MOB3B: variants seen among roughly 807,000 people sequenced by gnomAD.
The protein encoded by MOB3B is MOB kinase activator-like 2B.
MOB3B carries 7 observed loss-of-function variants against 18.7 expected under a neutral mutation model. The observed-to-expected ratio is 0.37, with a 90% CI of 0.21 to 0.70. The LOEUF (loss-of-function observed/expected upper bound fraction) is 0.70, where lower values mean the gene tolerates loss of function less well. Among genes scored for constraint, MOB3B ranks in the 30% least tolerant of loss-of-function variants. The pLI, the probability that MOB3B is intolerant of heterozygous loss-of-function variation, is 0.52. For missense variants in MOB3B, 253 were observed against 281.3 expected, an observed-to-expected ratio of 0.90 and a Z score of 0.72; for synonymous variants, 111 against 99.9, an observed-to-expected ratio of 1.11 and a Z score of -0.66.
At chr9:27,528,208 A>T (rs924667058) in intron 1 of MOB3B, among the ~76,000 whole-genome samples, 1 of 152,208 alleles carries the variant, frequency 6.6e-6, no homozygotes, top group Admixed American at 6.5e-5. Flanking sequence ...TTTGGCGACT[A>T]GCCTGCCCTC....
intron 2 of MOB3B, among the ~76,000 whole-genome samples, chr9:27,403,065 C>T (rs989955671): frequency 4.0e-5 from 6 of 150,672 alleles, no homozygotes; most frequent in South Asian, 2.1e-4. Context: ...AGTCATGGAC[C>T]GAAAAAAAAA....
chr9:27,517,063 C>T (rs924275221), intron 1 of MOB3B, among the ~76,000 whole-genome samples: 3 of 152,130 alleles, frequency 2.0e-5, no homozygotes, highest in Non-Finnish European at 2.9e-5. Flanking sequence ...TTCTCACCCC[C>T]GCCTCCCATT....
In MOB3B at chr9:27,356,255, C is replaced by A. The variant is rs113224729; in HGVS notation, c.621+2779G>T. Among the ~76,000 whole-genome samples, 273 of 152,306 alleles carry A rather than the reference C, an allele frequency of 1.8e-3. 1 individual carries two copies. The highest frequency in any genetic ancestry group is 6.4e-3 in the African/African-American group (265 of 41,564). Reference sequence around the variant, plus strand: ...TTAACACATAAATGTAGGAAGTATACTATTGCAAGCAAGATTTAAAGAAAT... The same window carrying A: ...TTAACACATAAATGTAGGAAGTATAATATTGCAAGCAAGATTTAAAGAAAT... On this transcript the variant is annotated intron_variant, in intron 3 of 3. Transcript: ENST00000262244.
chr9:27,365,194 G>A (rs769818863), intron 2 of MOB3B, among the ~76,000 whole-genome samples: 2 of 105,588 alleles, frequency 1.9e-5, no homozygotes, highest in Non-Finnish European at 4.1e-5. Context: ...ACAGCAGAAA[G>A]GATAGCTTTT....
intron 1 of MOB3B, among the ~76,000 whole-genome samples, chr9:27,497,700 G>T (rs2131492283): frequency 6.6e-6 from 1 of 152,156 alleles, no homozygotes; most frequent in African/African-American, 2.4e-5. Context: ...TTAGCAATGT[G>T]AATATAGTCT....
intron 3 of MOB3B, among the ~76,000 whole-genome samples, chr9:27,331,474 G>A (rs1820789390): frequency 6.6e-6 from 1 of 152,186 alleles, no homozygotes; most frequent in Non-Finnish European, 1.5e-5. Flanking sequence ...ATCTCTGTGT[G>A]TGTGTGTGTG....
At chr9:27,478,310 G>A (rs868706968) in intron 1 of MOB3B, among the ~76,000 whole-genome samples, 5 of 152,120 alleles carry the variant, frequency 3.3e-5, no homozygotes, top group Admixed American at 1.3e-4. Flanking sequence ...GAGAAGCCAC[G>A]TACACAATGA....
chr9:27,333,427 C>CTA (rs1820818157), intron 3 of MOB3B, among the ~76,000 whole-genome samples: 1 of 152,102 alleles, frequency 6.6e-6, no homozygotes, highest in Non-Finnish European at 1.5e-5. Context: ...AGAGCCCTCC[C>CTA]GCAGGCTAGC....
At chr9:27,340,436 A>G (rs1563844223) in intron 3 of MOB3B, among the ~76,000 whole-genome samples, 1 of 152,176 alleles carries the variant, frequency 6.6e-6, no homozygotes, top group Non-Finnish European at 1.5e-5. Context: ...CACATTTTTG[A>G]AGTTCTCTCA....
At chr9:27,353,298 A>C (rs1012124709) in intron 3 of MOB3B, among the ~76,000 whole-genome samples, 2 of 152,234 alleles carry the variant, frequency 1.3e-5, no homozygotes, top group Non-Finnish European at 2.9e-5. Flanking sequence ...ATTCACATGC[A>C]CATTAAAGTT....
At chr9:27,486,746 A>T (rs1400636506) in intron 1 of MOB3B, among the ~76,000 whole-genome samples, 1 of 152,224 alleles carries the variant, frequency 6.6e-6, no homozygotes, top group South Asian at 2.1e-4. Context: ...AATGGGAATA[A>T]AGAAAATATG....
intron 1 of MOB3B, chr9:27,524,469 C>A (rs1820396823): frequency 1.2e-6 from 2 of 1,614,064 alleles, no homozygotes; most frequent in Non-Finnish European, 1.7e-6. Flanking sequence ...CTGGCAAAAT[C>A]TGAGACATCT....
intron 1 of MOB3B, among the ~76,000 whole-genome samples, chr9:27,472,623 A>AAAC (rs1819489646): frequency 6.6e-6 from 1 of 151,102 alleles, no homozygotes; most frequent in African/African-American, 2.4e-5. Context: ...CAAGAGACCA[A>AAAC]AACAGGTATC....
chr9:27,400,596 G>A (rs984892614), intron 2 of MOB3B, among the ~76,000 whole-genome samples: 8 of 152,298 alleles, frequency 5.3e-5, no homozygotes, highest in African/African-American at 1.9e-4. Context: ...TTCTACTCTA[G>A]TAGTTCCTAC....
chr9:27,518,275 C>A lies in MOB3B; in HGVS notation c.-199+11280G>T, dbSNP rs549055041. On this transcript the variant is annotated intron_variant, in intron 1 of 3. Transcript: ENST00000262244. ...TTCTGTCCATCACCCACTGCACGCT[C>A]ATCATTTCTTCCCAATTACAGCCAC... 2.0e-5 allele frequency among the ~76,000 whole-genome samples: 3 copies of A among 152,308 alleles called. No homozygotes were observed. The East Asian group carries it at 5.8e-4, about 29-fold the overall frequency.
rs901336567 is a variant in MOB3B at position 27,325,725 on chromosome 9, A to G, written c.*4862T>C. 3 of 152,170 alleles carry G rather than the reference A, an allele frequency of 2.0e-5. No individual in the cohort carries two copies. The highest frequency in any genetic ancestry group is 7.2e-5 in the African/African-American group (3 of 41,430). 9.4% of individuals were successfully genotyped at this position (152,170 alleles called of 1,614,324 possible). On this transcript the variant is annotated 3_prime_UTR_variant, in exon 4 of 4. Coordinates refer to ENST00000262244, the MANE Select transcript of MOB3B (RefSeq NM_024761.5). ...CAGTGTCAACCAAATGATGCCTCCA[A>G]CTCCTTTTAATGATTGTGCCTTGGT... is the stretch of plus-strand genomic sequence containing the variant.
At chr9:27,450,136 T>C (rs1309965252) in intron 2 of MOB3B, among the ~76,000 whole-genome samples, 1 of 152,178 alleles carries the variant, frequency 6.6e-6, no homozygotes, top group Non-Finnish European at 1.5e-5. Context: ...GAGACTCAGC[T>C]GTAGTCTCAT....
intron 2 of MOB3B, among the ~76,000 whole-genome samples, chr9:27,426,130 C>T (rs1413491158): frequency 6.6e-6 from 1 of 152,266 alleles, no homozygotes; most frequent in East Asian, 1.9e-4. Context: ...TGTTATCCCC[C>T]ATTTTACCTA....
chr9:27,519,256 G>A (rs1328968171), intron 1 of MOB3B, among the ~76,000 whole-genome samples: 3 of 152,102 alleles, frequency 2.0e-5, no homozygotes. Flanking sequence ...CACCTACTAT[G>A]GGCCAGGTGC....
Sources: gnomAD v4.1 joint callset for allele counts (sites outside exome capture counted in the v4.1 genomes callset) on GRCh38, gnomAD v4.1.1 for gene constraint, MANE v1.5 for transcripts, NCBI Gene and HGNC (gene_info 2026-07-23, HGNC 2026-07-21) for gene names.